The following MTREX variants were observed in gnomAD, a reference collection of about 807,000 sequenced individuals.
The protein encoded by MTREX is exosome RNA helicase MTR4.
MTREX carries 76 observed loss-of-function variants against 135.4 expected under a neutral mutation model. The ratio of observed to expected loss-of-function variants is 0.56; its 90% CI spans 0.47 to 0.68. MTREX has a LOEUF of 0.68. Among genes scored for constraint, MTREX ranks in the 30% least tolerant of loss-of-function variants. The probability of loss-of-function intolerance (pLI) is 0.00; values close to 1 mark genes in which losing one functional copy is unlikely to be tolerated. For missense variants in MTREX, 920 were observed against 1,262.1 expected, an observed-to-expected ratio of 0.73 and a Z score of 4.11; for synonymous variants, 404 against 401.6, an observed-to-expected ratio of 1.01 and a Z score of -0.07.
chr5:55,365,856 T>C (rs1218758165), intron 15 of MTREX, among the ~76,000 whole-genome samples: 3 of 152,038 alleles, frequency 2.0e-5, no homozygotes, highest in Non-Finnish European at 4.4e-5. Flanking sequence ...CTGGGCCTGG[T>C]GGCACGCTCC....
chr5:55,410,549 A>G lies in MTREX; in HGVS notation c.2671A>G (p.Met891Val). The G allele has an allele frequency of 6.2e-7, 1 of 1,610,388 alleles. No homozygotes were observed. The stretch of plus-strand genomic sequence containing the variant: ...TGCTGATGAGCTCCTTCTAACTGAG[A>G]TGATGTTTAATGGCCTTTTCAATGA... ...SSADELLLTE[M>V]MFNGLFNDLS... Residue 891 changes from methionine (M) to valine (V), a missense_variant, in exon 23 of 27, where the codon ATG becomes GTG. By Grantham distance (21) the Met-to-Val change is conservative. Coordinates refer to ENST00000230640, the MANE Select transcript of MTREX (RefSeq NM_015360.5).
rs1398316763 is a variant in MTREX at position 55,328,278 on chromosome 5, G to A, written c.403-421G>A. 2.6e-5 allele frequency among the ~76,000 whole-genome samples: 4 copies of A among 152,024 alleles called. No individual in the cohort carries two copies. The East Asian group carries it at 7.7e-4, about 29-fold the overall frequency. On this transcript the variant is annotated intron_variant, in intron 4 of 26. Transcript: ENST00000230640. Reference sequence around the variant, plus strand: ...AATAGATGTAATATTCTGCCTCTACGGAGTGAACTTTACTGAGAGACTTTT... The same window carrying A: ...AATAGATGTAATATTCTGCCTCTACAGAGTGAACTTTACTGAGAGACTTTT...
chr5:55,400,301 T>C lies in MTREX; in HGVS notation c.2361T>C (p.Asp787=). Reference sequence around the variant, plus strand: ...CTATTGATGATATGGGCATTCAAGATCAAGGGCTGAAAAAAGTCATTCAGA... The same window carrying C: ...CTATTGATGATATGGGCATTCAAGACCAAGGGCTGAAAAAAGTCATTCAGA... ...LDPIDDMGIQ[D]QGLKKVIQKV... Residue 787 remains aspartate, a synonymous_variant, in exon 21 of 27, where the codon GAT becomes GAC. Coordinates refer to ENST00000230640, the MANE Select transcript of MTREX (RefSeq NM_015360.5). 1.2e-6 allele frequency: 2 copies of C among 1,613,490 alleles called. No homozygotes were observed. Among genetic ancestry groups the C allele is most frequent in the Non-Finnish European group, 1.7e-6 (2 of 1,179,694 alleles).
At chr5:55,392,723 A>C (rs1301578208) in intron 19 of MTREX, among the ~76,000 whole-genome samples, 11 of 152,058 alleles carry the variant, frequency 7.2e-5, no homozygotes, top group Non-Finnish European at 1.6e-4. Flanking sequence ...TTTCTTGACT[A>C]TGCACACAGC....
At position 55,358,565 on chromosome 5, in the gene MTREX, T is replaced by A; in HGVS notation, c.1534-8T>A. 1 of 1,586,612 alleles carries A rather than the reference T, an allele frequency of 6.3e-7. No homozygotes were observed. Among genetic ancestry groups the A allele is most frequent in the Non-Finnish European group, 8.5e-7 (1 of 1,172,528 alleles). On this transcript the variant is annotated splice_polypyrimidine_tract_variant and splice_region_variant and intron_variant, in intron 14 of 26. Transcript: ENST00000230640. ...CCTAAACTCTGAATTTTAACTATGT[T>A]CATTCAGATTTCTTCTGGTGAATAC... is the stretch of plus-strand genomic sequence containing the variant.
At chr5:55,393,774 A>C (rs1695943268) in intron 19 of MTREX, among the ~76,000 whole-genome samples, 1 of 152,196 alleles carries the variant, frequency 6.6e-6, no homozygotes. Flanking sequence ...TTAGGTTTAG[A>C]AAATTGAATA....
At chr5:55,376,591 C>T (rs958133299) in intron 16 of MTREX, among the ~76,000 whole-genome samples, 1 of 152,182 alleles carries the variant, frequency 6.6e-6, no homozygotes, top group Non-Finnish European at 1.5e-5. Context: ...TTTGCTGTAG[C>T]ACTTCATTAA....
intron 18 of MTREX, among the ~76,000 whole-genome samples, chr5:55,385,641 T>C (rs1341498799): frequency 6.6e-6 from 1 of 152,168 alleles, no homozygotes; most frequent in African/African-American, 2.4e-5. Flanking sequence ...ACTAGATCTT[T>C]CTTTATTTGA....
chr5:55,376,656 A>G (rs1274102290), intron 16 of MTREX, among the ~76,000 whole-genome samples: 1 of 152,240 alleles, frequency 6.6e-6, no homozygotes, highest in African/African-American at 2.4e-5. Context: ...AATAGAATAC[A>G]ATGTGGAGGA....
At chr5:55,367,106 C>A (rs181183879) in intron 16 of MTREX, among the ~76,000 whole-genome samples, 46 of 152,246 alleles carry the variant, frequency 3.0e-4, no homozygotes, top group African/African-American at 1.1e-3. Flanking sequence ...TAGTATAATT[C>A]TTGTCTTGTG....
intron 5 of MTREX, among the ~76,000 whole-genome samples, chr5:55,336,781 G>A (rs1046429496): frequency 6.6e-6 from 1 of 152,174 alleles, no homozygotes; most frequent in Admixed American, 6.5e-5. Context: ...TTGCAAATAC[G>A]ATAGTGTATT....
At chr5:55,349,962 A>G (rs1332662968) in intron 12 of MTREX, among the ~76,000 whole-genome samples, 1 of 152,184 alleles carries the variant, frequency 6.6e-6, no homozygotes, top group Non-Finnish European at 1.5e-5. Flanking sequence ...GAAGGCTACC[A>G]CATAAAATAA....
chr5:55,363,587 G>A (rs1750049980), intron 15 of MTREX, among the ~76,000 whole-genome samples: 1 of 152,224 alleles, frequency 6.6e-6, no homozygotes, highest in Non-Finnish European at 1.5e-5. Context: ...TTAGTTAACT[G>A]ATGAAATTAA....
At chr5:55,324,516 C>T (rs1383385756) in intron 3 of MTREX, 1 of 133,692 alleles carries the variant, frequency 7.5e-6, no homozygotes, top group South Asian at 2.7e-4. Context: ...GGCGCAATCT[C>T]GGCTTACTGC....
chr5:55,325,329 G>A (rs575378817), intron 3 of MTREX, among the ~76,000 whole-genome samples: 1 of 129,030 alleles, frequency 7.8e-6, no homozygotes, highest in Non-Finnish European at 1.6e-5. Context: ...TTTTGGGGGG[G>A]TTTTTTTTTG....
At chr5:55,316,243 T>A (rs1056936281) in intron 1 of MTREX, among the ~76,000 whole-genome samples, 3 of 152,120 alleles carry the variant, frequency 2.0e-5, no homozygotes, top group Non-Finnish European at 4.4e-5. Context: ...CAGATATTAT[T>A]CATAAAAATT....
rs1236557845 is a variant in MTREX at position 55,347,071 on chromosome 5, G to A, written c.1167G>A (p.Val389=). The A allele has an allele frequency of 1.1e-5, 18 of 1,609,968 alleles. No homozygotes were observed. Among genetic ancestry groups the A allele is most frequent in the Middle Eastern group, 1.7e-4 (1 of 6,040 alleles). The change falls in exon 11 of 27, where the codon GTG becomes GTA. Residue 389 remains valine (V), a synonymous_variant. Transcript: ENST00000230640. ...KMIMERNFQP[V]IIFSFSKKDC... ...TTATGGAAAGAAATTTCCAACCTGT[G>A]ATTATTTTCAGTTTTAGTAAGAAAG...
chr5:55,377,763 A>G (rs1183627032), intron 16 of MTREX, among the ~76,000 whole-genome samples: 1 of 152,028 alleles, frequency 6.6e-6, no homozygotes, highest in Non-Finnish European at 1.5e-5. Context: ...TTTTGTTATA[A>G]TGTTGGGTCA....
At chr5:55,365,119 C>T (rs372514457) in intron 15 of MTREX, among the ~76,000 whole-genome samples, 13 of 151,904 alleles carry the variant, frequency 8.6e-5, no homozygotes, top group African/African-American at 2.9e-4. Flanking sequence ...AATATAGAAG[C>T]GGAGCATGGG....
Sources: gnomAD v4.1 joint callset for allele counts (sites outside exome capture counted in the v4.1 genomes callset) on GRCh38, gnomAD v4.1.1 for gene constraint, MANE v1.5 for transcripts, NCBI Gene and HGNC (gene_info 2026-07-23, HGNC 2026-07-21) for gene names.